The following GON4L variants were observed in gnomAD, a reference collection of about 807,000 sequenced individuals.
The protein encoded by GON4L is GON-4-like protein.
GON4L carries 87 observed loss-of-function variants against 211.8 expected under a neutral mutation model. The observed-to-expected ratio is 0.41, with a 90% CI of 0.35 to 0.49. The LOEUF is 0.49. Among genes scored for constraint, GON4L ranks in the 20% least tolerant of loss-of-function variants. The pLI, the probability that GON4L is intolerant of heterozygous loss-of-function variation, is 0.15. For synonymous variants in GON4L, 875 were observed against 962.6 expected, an observed-to-expected ratio of 0.91 and a Z score of 1.68; for missense variants, 2,155 against 2,659.5, an observed-to-expected ratio of 0.81 and a Z score of 4.17.
chr1:155,833,646 C>CAA (rs59340708), intron 2 of GON4L, among the ~76,000 whole-genome samples: 2 of 16,406 alleles, frequency 1.2e-4, no homozygotes, highest in African/African-American at 3.1e-4. Flanking sequence ...ACTCTGTCTC[C>CAA]AAAAAAAAAA....
chr1:155,852,168 A>G (rs1482720602), intron 2 of GON4L, among the ~76,000 whole-genome samples: 29 of 150,862 alleles, frequency 1.9e-4, no homozygotes, highest in Admixed American at 1.9e-3. Flanking sequence ...GTCACAAAAA[A>G]AAAAAAAAAA....
Position 155,853,595 on chromosome 1 carries a change from C to T in GON4L, c.186G>A (p.Gln62=), listed in dbSNP as rs759783285. The change falls in exon 2 of 32, where the codon CAG becomes CAA. Residue 62 remains glutamine (Q), a synonymous_variant. Transcript: ENST00000368331. ...GCTGATTTCCTGCATCCTGCAAAGA[C>T]TGTACTTCGAAGCCAGCTACTCTGC... ...SHGRVAGFEV[Q]SLQDAGNQLG... The T allele has an allele frequency of 6.2e-7, 1 of 1,614,156 alleles. No homozygotes were observed. The highest frequency in any genetic ancestry group is 1.7e-5 in the Admixed American group (1 of 60,028).
rs766280463 is a variant in GON4L, at chr1:155,764,409, G to A, written c.4473+591C>T. 4.0e-5 allele frequency: 7 copies of A among 175,126 alleles called. No homozygotes were observed. In the East Asian group the frequency reaches 7.7e-4, roughly 19 times the overall value. 10.8% of individuals were successfully genotyped at this position (175,126 alleles called of 1,614,324 possible). A position where few individuals can be genotyped will look rare whatever the true frequency, so the allele number is the denominator to read the frequency against. On this transcript the variant is annotated intron_variant, in intron 21 of 31. Coordinates refer to ENST00000368331, the MANE Select transcript of GON4L (RefSeq NM_001282860.2). ...CTGGGATTTATAGGCGTGAGCCACC[G>A]TGCCCAGTTATTTACTATTTTTTTT...
At position 155,853,363 on chromosome 1, in the gene GON4L, GC is replaced by G; in HGVS notation, c.417del (p.Pro140GlnfsTer13). On this transcript the variant is annotated frameshift_variant, in exon 2 of 32. Transcript: ENST00000368331. LOFTEE classifies it high-confidence loss of function. ...KRGKKMTLRP[G>X]PVTQEDRCDH... The stretch of plus-strand genomic sequence containing the variant: ...TCACATCTGTCTTCTTGGGTAACTG[GC>G]CCAGGCCTGAGTGTCATTTTTTTCC... 6.2e-7 allele frequency: 1 copy of G among 1,614,014 alleles called. No individual in the cohort carries two copies. The highest frequency in any genetic ancestry group is 8.5e-7 in the Non-Finnish European group (1 of 1,179,896).
At chr1:155,785,277 A>G in intron 13 of GON4L, 57 bp downstream of exon 13, 1 of 1,106,658 alleles carries the variant, frequency 9.0e-7, no homozygotes, top group East Asian at 2.3e-5. Flanking sequence ...CAAATGACAC[A>G]TCTTGCTGGA....
At chr1:155,849,128 A>G (rs1671523133) in intron 2 of GON4L, among the ~76,000 whole-genome samples, 1 of 125,504 alleles carries the variant, frequency 8.0e-6, no homozygotes, top group African/African-American at 3.1e-5. Flanking sequence ...AGCCTAAACA[A>G]CAGAGACTCC....
downstream of GON4L, chr1:155,748,211 TG>T: frequency 7.1e-7 from 1 of 1,418,238 alleles, no homozygotes; most frequent in South Asian, 1.3e-5. Context: ...GTACTGGCTC[TG>T]TTCCTGAGGC....
Position 155,766,255 on chromosome 1 carries a change from G to A in GON4L, c.3218C>T (p.Pro1073Leu). 6.2e-7 allele frequency: 1 copy of A among 1,614,164 alleles called. No individual in the cohort carries two copies. Among genetic ancestry groups the A allele is most frequent in the South Asian group, 1.1e-5 (1 of 91,076 alleles). The change falls in exon 21 of 32, where the codon CCT becomes CTT. Residue 1073 changes from proline (P) to leucine (L), a missense_variant. By Grantham distance (98) the Pro-to-Leu change is moderately conservative (BLOSUM62 -3). Around this residue, in one of 6 missense-constraint regions of GON4L, gnomAD observed 615 missense variants for 625.7 expected, o/e 0.98. Transcript: ENST00000368331. ...TGTCCTGGCCTCAGGGGGCACAGCAGGCAGTGCTGCAGGAGACTCAAAACT... is the reference window on the plus strand; with the variant it reads ...TGTCCTGGCCTCAGGGGGCACAGCAAGCAGTGCTGCAGGAGACTCAAAACT... ...GESFESPAAL[P>L]AVPPEARTSF...
intron 2 of GON4L, among the ~76,000 whole-genome samples, chr1:155,832,552 T>C (rs904777043): frequency 7.2e-5 from 11 of 152,148 alleles, no homozygotes; most frequent in African/African-American, 1.4e-4. Context: ...GGCAGGAGAA[T>C]TGCTTGAACC....
At chr1:155,803,247 C>CTTTTT (rs1017161138) in intron 11 of GON4L, among the ~76,000 whole-genome samples, 2 of 141,106 alleles carry the variant, frequency 1.4e-5, no homozygotes, top group Non-Finnish European at 3.1e-5. Context: ...ATTTCTTTTT[C>CTTTTT]TTTTTTTTTT....
intron 21 of GON4L, 34 bp from the exon 22 acceptor site, chr1:155,763,598 T>C (rs1460277200): frequency 1.3e-6 from 2 of 1,495,416 alleles, no homozygotes; most frequent in Middle Eastern, 1.7e-4. Flanking sequence ...TTATAATGGC[T>C]CTTAGTGGCT....
chr1:155,785,402 T>C, intron 12 of GON4L, 28 bp from the exon 13 acceptor site: 1 of 1,506,662 alleles, frequency 6.6e-7, no homozygotes, highest in Non-Finnish European at 9.2e-7. Flanking sequence ...AGTATATTGT[T>C]GGTATAAATT....
At chr1:155,807,231 T>C (rs549824162) in intron 10 of GON4L, among the ~76,000 whole-genome samples, 8 of 151,692 alleles carry the variant, frequency 5.3e-5, no homozygotes, top group Non-Finnish European at 1.0e-4. Flanking sequence ...AAGACCCCCA[T>C]CTCTACAAAA....
intron 12 of GON4L, among the ~76,000 whole-genome samples, chr1:155,787,565 G>GAGTTCGAGACC (rs1306193905): frequency 1.3e-5 from 2 of 152,162 alleles, no homozygotes; most frequent in Non-Finnish European, 2.9e-5. Context: ...CTGCGGTCAG[G>GAGTTCGAGACC]AGTTCGAGAC....
chr1:155,808,712 G>A (rs1291096660), intron 10 of GON4L, among the ~76,000 whole-genome samples: 1 of 151,590 alleles, frequency 6.6e-6, no homozygotes, highest in Non-Finnish European at 1.5e-5. Context: ...CTGCAGCCTC[G>A]ATCTCCTAGG....
At chr1:155,843,511 A>T (rs997861930) in intron 2 of GON4L, among the ~76,000 whole-genome samples, 8 of 152,108 alleles carry the variant, frequency 5.3e-5, no homozygotes, top group African/African-American at 1.9e-4. Context: ...TGGACCTAGG[A>T]TGTTGGGTAT....
Position 155,784,358 on chromosome 1 carries a change from C to CTTTTTT in GON4L, c.1789-275_1789-270dup, listed in dbSNP as rs869034483. The CTTTTTT allele has an allele frequency of 5.8e-4, 60 of 104,124 alleles. 10 individuals carry two copies. The highest frequency in any genetic ancestry group is 7.6e-4 in the Admixed American group (4 of 5,246). 6.5% of individuals were successfully genotyped at this position (104,124 alleles called of 1,614,324 possible). A position where few individuals can be genotyped will look rare whatever the true frequency, so the allele number is the denominator to read the frequency against. On this transcript the variant is annotated intron_variant, in intron 13 of 31. Coordinates refer to ENST00000368331, the MANE Select transcript of GON4L (RefSeq NM_001282860.2). The stretch of plus-strand genomic sequence containing the variant: ...ACTCAAAATTATCAATCTCTCTCTC[C>CTTTTTT]TTTTTTTTTTTTTTTTTTTTTTTTT...
At chr1:155,778,982 G>A (rs1465308076) in intron 14 of GON4L, among the ~76,000 whole-genome samples, 1 of 152,016 alleles carries the variant, frequency 6.6e-6, no homozygotes, top group South Asian at 2.1e-4. Flanking sequence ...TAACCTGCTT[G>A]TTGGCCGGAC....
chr1:155,764,743 AC>A (rs1234354417), intron 21 of GON4L: 1 of 1,152,702 alleles, frequency 8.7e-7, no homozygotes, highest in Non-Finnish European at 1.3e-6. Flanking sequence ...CCAGCCTATT[AC>A]TATTTTTTAA....
Sources: gnomAD v4.1 joint callset for allele counts (sites outside exome capture counted in the v4.1 genomes callset) on GRCh38, gnomAD v4.1.1 for gene constraint, gnomAD v4.1.1 regional missense constraint, MANE v1.5 for transcripts, NCBI Gene and HGNC (gene_info 2026-07-23, HGNC 2026-07-21) for gene names.